The following RAB23 variants were observed in gnomAD, a reference collection of about 807,000 sequenced individuals.
RAB23 encodes the protein RAB23, member RAS oncogene family, also known as ras-related protein Rab-23.
RAB23 carries 15 observed loss-of-function variants against 30.0 expected under a neutral mutation model. The ratio of observed to expected loss-of-function variants is 0.50; its 90% CI spans 0.33 to 0.77. RAB23 has a LOEUF of 0.77. Ranked by LOEUF, RAB23 falls within the 30% of genes least tolerant of loss-of-function variation. The pLI, the probability that RAB23 is intolerant of heterozygous loss-of-function variation, is 0.02. For synonymous variants in RAB23, 93 were observed against 94.0 expected, an observed-to-expected ratio of 0.99 and a Z score of 0.06; for missense variants, 243 against 275.4, an observed-to-expected ratio of 0.88 and a Z score of 0.83.
chr6:57,187,548 A>AGAT lies in RAB23; in HGVS notation c.*2910_*2912dup, dbSNP rs1314080349. 4 of 152,232 alleles carry AGAT rather than the reference A, an allele frequency of 2.6e-5. No individual in the cohort carries two copies. The highest frequency in any genetic ancestry group is 9.6e-5 in the African/African-American group (4 of 41,464). The allele number at this position is 152,232 out of a possible 1,614,324, so 9.4% of individuals were successfully genotyped here. On this transcript the variant is annotated 3_prime_UTR_variant, in exon 7 of 7. Transcript: ENST00000468148. ...GTTTTCAGAGAAACAGACTAATGAT[A>AGAT]GATTAATGGGAACATTTTATCAGGT...
At chr6:57,201,528 A>T (rs1040660328) in intron 3 of RAB23, among the ~76,000 whole-genome samples, 3 of 152,188 alleles carry the variant, frequency 2.0e-5, no homozygotes, top group Admixed American at 6.5e-5. Flanking sequence ...CTCTTAGCTC[A>T]TATTTGTCCT....
rs759420717 is a variant in RAB23, at chr6:57,207,723, G to A, written c.156-10C>T. 6.5e-7 allele frequency: 1 copy of A among 1,537,882 alleles called. No homozygotes were observed. The highest frequency in any genetic ancestry group is 9.0e-7 in the Non-Finnish European group (1 of 1,112,776). ...ATCTTCATCATTAACTCTAAAACAA[G>A]AGATGAATTTATTTCATATGTAAAG... On this transcript the variant is annotated splice_polypyrimidine_tract_variant and intron_variant, in intron 2 of 6. Transcript: ENST00000468148.
rs1412707061 is a variant in RAB23 at position 57,192,768 on chromosome 6, G to A, written c.574+1074C>T. Among the ~76,000 whole-genome samples the A allele has an allele frequency of 2.6e-5, 4 of 152,206 alleles. No homozygotes were observed. In the East Asian group the frequency reaches 7.7e-4, roughly 29 times the overall value. On this transcript the variant is annotated intron_variant, in intron 6 of 6. Coordinates refer to ENST00000468148, the MANE Select transcript of RAB23 (RefSeq NM_016277.5). ...GTATGGAGGATGTGTCTTCAGGCAGGCAGATACACAACTGAAAACTTTCTA... is the reference window on the plus strand; with the variant it reads ...GTATGGAGGATGTGTCTTCAGGCAGACAGATACACAACTGAAAACTTTCTA...
rs577437584 is a variant in RAB23 at position 57,188,052 on chromosome 6, C to T, written c.*2409G>A. 2.3e-4 allele frequency: 35 copies of T among 152,096 alleles called. No individual in the cohort carries two copies. Among genetic ancestry groups the T allele is most frequent in the African/African-American group, 7.5e-4 (31 of 41,480 alleles). 9.4% of individuals were successfully genotyped at this position (152,096 alleles called of 1,614,324 possible). ...CAGTTATTCCACAGCGATATGTCTA[C>T]GCAAAAGATTAGCCGTAATGTTAAA... On this transcript the variant is annotated 3_prime_UTR_variant, in exon 7 of 7. Transcript: ENST00000468148.
rs143570839 is a variant in RAB23 at position 57,218,656 on chromosome 6, G to C, written c.-66+3070C>G. Among the ~76,000 whole-genome samples, 310 of 152,186 alleles carry C rather than the reference G, an allele frequency of 2.0e-3. 1 individual carries two copies. The highest frequency in any genetic ancestry group is 7.2e-3 in the African/African-American group (300 of 41,522). Reference sequence around the variant, plus strand: ...CACTGAGGTCAGGAGTTCGAGACCAGCCTGGACAACATGGTGAAACTGTGT... The same window carrying C: ...CACTGAGGTCAGGAGTTCGAGACCACCCTGGACAACATGGTGAAACTGTGT... On this transcript the variant is annotated intron_variant, in intron 1 of 6. Coordinates refer to ENST00000468148, the MANE Select transcript of RAB23 (RefSeq NM_016277.5).
rs1489537997 is a variant in RAB23, at chr6:57,188,571, TA to T, written c.*1889del. 4 of 152,000 alleles carry T rather than the reference TA, an allele frequency of 2.6e-5. No homozygotes were observed. The highest frequency in any genetic ancestry group is 6.6e-5 in the Admixed American group (1 of 15,254). The allele number at this position is 152,000 out of a possible 1,614,324, so 9.4% of individuals were successfully genotyped here. ...GCAAAGTATTATTTTGTGCAAAAAT[TA>T]AAGAGGAGAGTAGAGAGTAGAAAAT... On this transcript the variant is annotated 3_prime_UTR_variant, in exon 7 of 7. Coordinates refer to ENST00000468148, the MANE Select transcript of RAB23 (RefSeq NM_016277.5).
In RAB23 at chr6:57,210,221, C is replaced by T. The variant is rs748963470; in HGVS notation, c.155+5G>A. 1 of 1,613,286 alleles carries T rather than the reference C, an allele frequency of 6.2e-7. No individual in the cohort carries two copies. The highest frequency in any genetic ancestry group is 2.2e-5 in the East Asian group (1 of 44,878). ...GCCAAAGGAATAAAATGGCCAAGTA[C>T]TTACTGAATTTGTCGCTCCAAAAAA... On this transcript the variant is annotated splice_donor_5th_base_variant and intron_variant, in intron 2 of 6. Transcript: ENST00000468148.
intron 1 of RAB23, among the ~76,000 whole-genome samples, chr6:57,220,568 TA>T (rs1208622461): frequency 6.6e-6 from 1 of 151,866 alleles, no homozygotes; most frequent in African/African-American, 2.4e-5. Flanking sequence ...TACTCAGCAA[TA>T]AAAAAAGAAA....
chr6:57,194,549 A>T (rs1194991216), intron 5 of RAB23, among the ~76,000 whole-genome samples: 1 of 152,122 alleles, frequency 6.6e-6, no homozygotes, highest in East Asian at 1.9e-4. Context: ...TTCAAAGATA[A>T]TAATAAAAAT....
Position 57,195,006 on chromosome 6 carries a change from A to G in RAB23, c.399-154T>C, listed in dbSNP as rs138038576. ...CAGAAAATTTTCATATTTCTTTTTA[A>G]AAGAGCTTGATATAATTTCCCAGTT... On this transcript the variant is annotated intron_variant, in intron 4 of 6. Transcript: ENST00000468148. 2.2e-3 allele frequency among the ~76,000 whole-genome samples: 337 copies of G among 152,284 alleles called. 7 individuals carry two copies. Among genetic ancestry groups the G allele is most frequent in the Admixed American group, 0.019 (295 of 15,298 alleles).
chr6:57,208,946 A>G (rs1313192559), intron 2 of RAB23, among the ~76,000 whole-genome samples: 1 of 152,202 alleles, frequency 6.6e-6, no homozygotes, highest in East Asian at 1.9e-4. Context: ...CACGACCAAC[A>G]GCACTATAAC....
intron 1 of RAB23, among the ~76,000 whole-genome samples, chr6:57,219,372 A>T (rs1765973657): frequency 1.3e-5 from 2 of 152,266 alleles, no homozygotes; most frequent in Non-Finnish European, 2.9e-5. Context: ...ATAGATTGGG[A>T]GACTCAACAA....
intron 1 of RAB23, among the ~76,000 whole-genome samples, chr6:57,214,877 T>C (rs1382868838): frequency 6.6e-6 from 1 of 152,114 alleles, no homozygotes; most frequent in African/African-American, 2.4e-5. Flanking sequence ...ATTAGATTCA[T>C]GTAATAAGGA....
rs764143292 is a variant in RAB23 at position 57,193,937 on chromosome 6, A to G, written c.482-3T>C. ...TTTTTCAGCCAAATACTTAAAAACT[A>G]GAATAAAAAGAAAACACCCAGAACC... On this transcript the variant is annotated splice_region_variant and splice_polypyrimidine_tract_variant and intron_variant, in intron 5 of 6. Transcript: ENST00000468148. The G allele has an allele frequency of 5.6e-6, 9 of 1,610,660 alleles. No homozygotes were observed. The highest frequency in any genetic ancestry group is 2.2e-5 in the South Asian group (2 of 90,672).
chr6:57,208,517 C>T (rs1765527935), intron 2 of RAB23, among the ~76,000 whole-genome samples: 1 of 149,770 alleles, frequency 6.7e-6, no homozygotes, highest in East Asian at 2.0e-4. Context: ...TGTGGTGGTG[C>T]ATGCCTGTAG....
rs1271975946 is a variant in RAB23, at chr6:57,194,707, C to A, written c.481+63G>T. ...TTATAAATATAATTTCTAAACAACA[C>A]AATTTTAAAAGCGCAAGAATAAAAT... On this transcript the variant is annotated intron_variant, in intron 5 of 6. Transcript: ENST00000468148. The A allele has an allele frequency of 1.5e-5, 18 of 1,216,050 alleles. No individual in the cohort carries two copies. The African/African-American group carries it at 1.5e-4, about 10-fold the overall frequency. The allele number at this position is 1,216,050 out of a possible 1,614,324, so 75.3% of individuals were successfully genotyped here. A position where few individuals can be genotyped will look rare whatever the true frequency, so the allele number is the denominator to read the frequency against.
intron 3 of RAB23, 91 bp downstream of exon 3, chr6:57,207,537 G>A: frequency 1.2e-6 from 1 of 828,952 alleles, no homozygotes; most frequent in East Asian, 2.5e-5. Flanking sequence ...TTCAAGAGAA[G>A]CCCTTATACG....
intron 3 of RAB23, among the ~76,000 whole-genome samples, chr6:57,205,722 C>G (rs1035593081): frequency 6.6e-6 from 1 of 152,058 alleles, no homozygotes; most frequent in Admixed American, 6.6e-5. Flanking sequence ...GGGGATTTCT[C>G]AAGGGTGAAG....
In RAB23 at chr6:57,220,353, T is replaced by C. The variant is rs185773523; in HGVS notation, c.-66+1373A>G. On this transcript the variant is annotated intron_variant, in intron 1 of 6. Coordinates refer to ENST00000468148, the MANE Select transcript of RAB23 (RefSeq NM_016277.5). ...CTCCAGAAAACAGTTTAACAGTTTTTTAAAAGTTAAACATACATTTACCAT... is the reference window on the plus strand; with the variant it reads ...CTCCAGAAAACAGTTTAACAGTTTTCTAAAAGTTAAACATACATTTACCAT... 2.6e-5 allele frequency among the ~76,000 whole-genome samples: 4 copies of C among 152,312 alleles called. No homozygotes were observed. The East Asian group carries it at 7.7e-4, about 29-fold the overall frequency.
Sources: allele counts gnomAD v4.1 joint callset (sites outside exome capture counted in the v4.1 genomes callset), GRCh38; gene constraint gnomAD v4.1.1; transcripts MANE v1.5; gene names NCBI Gene and HGNC (gene_info 2026-07-23, HGNC 2026-07-21).